The following RUBCN variants were observed in gnomAD, a reference collection of about 807,000 sequenced individuals.
The protein encoded by RUBCN is run domain Beclin-1-interacting and cysteine-rich domain-containing protein.
Under a neutral mutation model 113.2 loss-of-function variants are expected in RUBCN, and 74 were observed. That is an observed-to-expected ratio of 0.65 (90% CI 0.54 to 0.79). The LOEUF is 0.79. Ranked by LOEUF, RUBCN falls within the 30% of genes least tolerant of loss-of-function variation. The pLI is 0.00. For synonymous variants in RUBCN, 480 were observed against 490.0 expected (o/e 0.98, Z 0.27); for missense variants, 1,109 against 1,251.7 (o/e 0.89, Z 1.72).
In RUBCN at chr3:197,711,660, C is replaced by T. The variant is rs145697419; in HGVS notation, c.219+6317G>A. The stretch of plus-strand genomic sequence containing the variant: ...CCAGCCTGGGCAACATAGTGAGACC[C>T]TGTCTTTAAAAAAAATTTTTAATTA... On this transcript the variant is annotated intron_variant, in intron 2 of 19. Coordinates refer to ENST00000296343, the MANE Select transcript of RUBCN (RefSeq NM_014687.4). Among the ~76,000 whole-genome samples, 225 of 151,798 alleles carry T rather than the reference C, an allele frequency of 1.5e-3. 1 individual carries two copies. The highest frequency in any genetic ancestry group is 5.2e-3 in the African/African-American group (214 of 41,352).
chr3:197,693,196 A>G lies in RUBCN; in HGVS notation c.1786+519T>C, dbSNP rs547951139. Among the ~76,000 whole-genome samples the G allele has an allele frequency of 9.1e-4, 139 of 152,258 alleles. 1 individual carries two copies. Among genetic ancestry groups the G allele is most frequent in the African/African-American group, 3.2e-3 (133 of 41,540 alleles). ...TGCTGATACTCCTACCACCACCACC[A>G]CCACCAATAAAAACAGAGTCTGTGA... On this transcript the variant is annotated intron_variant, in intron 11 of 19. Coordinates refer to ENST00000296343, the MANE Select transcript of RUBCN (RefSeq NM_014687.4).
chr3:197,721,548 C>A (rs1169266757), intron 1 of RUBCN, among the ~76,000 whole-genome samples: 1 of 151,942 alleles, frequency 6.6e-6, no homozygotes, highest in African/African-American at 2.4e-5. Context: ...ACAAACAACT[C>A]TTTTGTTAAT....
chr3:197,710,322 C>T (rs553934621), intron 2 of RUBCN, among the ~76,000 whole-genome samples: 12 of 152,110 alleles, frequency 7.9e-5, no homozygotes, highest in South Asian at 6.2e-4. Flanking sequence ...AAAAGACGGC[C>T]GGGCGCGGTG....
chr3:197,681,777 G>A lies in RUBCN; in HGVS notation c.2191+58C>T, dbSNP rs376235464. 9.2e-5 allele frequency: 133 copies of A among 1,445,472 alleles called. No individual in the cohort carries two copies. The highest frequency in any genetic ancestry group is 2.7e-4 in the African/African-American group (19 of 71,600). 89.5% of individuals were successfully genotyped at this position (1,445,472 alleles called of 1,614,324 possible). The stretch of plus-strand genomic sequence containing the variant: ...CCTTTGACACGCCACCTCTCCCTAC[G>A]TGTCGGGGAGGGTACAGAGCCTCTG... On this transcript the variant is annotated intron_variant, in intron 15 of 19. Coordinates refer to ENST00000296343, the MANE Select transcript of RUBCN (RefSeq NM_014687.4). This position sits in a 1 kb window ranked among gnomAD's most constrained non-coding sequence, Gnocchi z 5.5.
At chr3:197,712,856 T>C (rs912759434) in intron 2 of RUBCN, among the ~76,000 whole-genome samples, 14 of 151,320 alleles carry the variant, frequency 9.3e-5, no homozygotes, top group Admixed American at 5.3e-4. Context: ...TCACAGATAT[T>C]ATCACTTTTT....
chr3:197,701,590 T>C, intron 6 of RUBCN, 118 bp downstream of exon 6: 1 of 858,006 alleles, frequency 1.2e-6, no homozygotes, highest in Admixed American at 2.1e-5. Context: ...AGATGTCCCT[T>C]ATTAAGAAAA....
chr3:197,745,866 G>A (rs905337489), intron 1 of RUBCN, among the ~76,000 whole-genome samples: 3 of 152,056 alleles, frequency 2.0e-5, no homozygotes, highest in Non-Finnish European at 4.4e-5. Context: ...GTGAAATGCT[G>A]TCTCCACTAA....
chr3:197,676,479 A>C, intron 18 of RUBCN: 2 of 622,456 alleles, frequency 3.2e-6, no homozygotes, highest in Non-Finnish European at 4.2e-6. Context: ...ATGCCCGGCT[A>C]ATTTCTGTAT....
chr3:197,681,041 TGGGGGGAGGGGAC>T lies in RUBCN; in HGVS notation c.2430+75_2430+87del, dbSNP rs1721167205. 7.8e-6 allele frequency: 3 copies of T among 386,914 alleles called. No homozygotes were observed. Among genetic ancestry groups the T allele is most frequent in the South Asian group, 4.6e-5 (2 of 43,906 alleles). The allele number at this position is 386,914 out of a possible 1,614,324, so 24.0% of individuals were successfully genotyped here. A position where few individuals can be genotyped will look rare whatever the true frequency, so the allele number is the denominator to read the frequency against. On this transcript the variant is annotated intron_variant, in intron 16 of 19. Coordinates refer to ENST00000296343, the MANE Select transcript of RUBCN (RefSeq NM_014687.4). This position sits in a 1 kb window ranked among gnomAD's most constrained non-coding sequence, Gnocchi z 5.5. ...GGGGGGAGGGGACAAGAGGAGGGGATGGGGGGAGGGGACGGGGGAGGGACGAGGGGAGGGGATG... is the reference window on the plus strand; with the variant it reads ...GGGGGGAGGGGACAAGAGGAGGGGATGGGGGAGGGACGAGGGGAGGGGATG...
intron 1 of RUBCN, among the ~76,000 whole-genome samples, chr3:197,742,420 G>C (rs574463364): frequency 6.6e-6 from 1 of 151,986 alleles, no homozygotes; most frequent in Non-Finnish European, 1.5e-5. Flanking sequence ...CTGAACCTGG[G>C]AAGCGGAGGT....
chr3:197,677,420 G>T, intron 17 of RUBCN, 60 bp downstream of exon 17: 1 of 1,393,184 alleles, frequency 7.2e-7, no homozygotes, highest in South Asian at 1.2e-5. Context: ...CAAGCGCGGG[G>T]ATGTGTCCCT....
In RUBCN at chr3:197,675,957, G is replaced by C. The variant is rs537117796; in HGVS notation, c.2647-442C>G. On this transcript the variant is annotated intron_variant, in intron 18 of 19. Transcript: ENST00000296343. This position sits in a 1 kb window ranked among gnomAD's most constrained non-coding sequence, Gnocchi z 4.4. ...TTTCCAGTTCCTCCCAGACACACAGGGTTTCCTACCTGTGCCCAGCTCGAA... is the reference window on the plus strand; with the variant it reads ...TTTCCAGTTCCTCCCAGACACACAGCGTTTCCTACCTGTGCCCAGCTCGAA... Among the ~76,000 whole-genome samples the C allele has an allele frequency of 6.6e-6, 1 of 152,254 alleles. No homozygotes were observed. Among genetic ancestry groups the C allele is most frequent in the Admixed American group, 6.5e-5 (1 of 15,292 alleles).
chr3:197,677,357 C>A, intron 17 of RUBCN, 123 bp downstream of exon 17: 1 of 855,600 alleles, frequency 1.2e-6, no homozygotes, highest in South Asian at 1.4e-5. Flanking sequence ...TCCTGTTTAC[C>A]ACTTTACAGT....
At chr3:197,725,170 A>T (rs1428716892) in intron 1 of RUBCN, among the ~76,000 whole-genome samples, 1 of 152,204 alleles carries the variant, frequency 6.6e-6, no homozygotes, top group Non-Finnish European at 1.5e-5. Flanking sequence ...GGGACTTTTA[A>T]TGCCAGAAAG....
At chr3:197,696,863 C>G (rs1296461332) in intron 8 of RUBCN, 91 bp downstream of exon 8, 1 of 758,878 alleles carries the variant, frequency 1.3e-6, no homozygotes, top group Non-Finnish European at 2.4e-6. Flanking sequence ...CTCCAGAGAG[C>G]TGAGATGAAC....
Position 197,736,667 on chromosome 3 carries a change from G to T in RUBCN, c.53C>A (p.Pro18His), listed in dbSNP as rs1467928044. 1.3e-6 allele frequency: 2 copies of T among 1,532,394 alleles called. No homozygotes were observed. The highest frequency in any genetic ancestry group is 1.7e-6 in the Non-Finnish European group (2 of 1,146,122). The allele number at this position is 1,532,394 out of a possible 1,614,324, so 94.9% of individuals were successfully genotyped here. The change falls in exon 1 of 20, where the codon CCT becomes CAT. Residue 18 changes from proline (P) to histidine (H), a missense_variant. By Grantham distance (77) the Pro-to-His change is moderately conservative (BLOSUM62 -2). Around this residue, in one of 3 missense-constraint regions of RUBCN, gnomAD observed 736 missense variants for 779.6 expected, o/e 0.94. Transcript: ENST00000296343. ...GCTCCCAGCCCACCTGCTCTCCTCA[G>T]GCAGGCGCTCCTCGCCGCCTCCGAG... The part of the protein sequence containing the change: ...MELGGGEERL[P>H]EESRREHWQL...
intron 1 of RUBCN, among the ~76,000 whole-genome samples, chr3:197,721,184 T>C (rs973664900): frequency 3.3e-5 from 5 of 152,148 alleles, no homozygotes; most frequent in East Asian, 3.9e-4. Context: ...TTGGGAAGAA[T>C]TGGTATTAGT....
At chr3:197,696,838 G>T (rs897200514) in intron 8 of RUBCN, 116 bp downstream of exon 8, 1 of 697,320 alleles carries the variant, frequency 1.4e-6, no homozygotes, top group African/African-American at 1.9e-5. Context: ...GACTGAGACT[G>T]TAACAGTGTG....
chr3:197,704,160 G>A (rs1026621541), intron 4 of RUBCN, among the ~76,000 whole-genome samples: 3 of 152,114 alleles, frequency 2.0e-5, no homozygotes, highest in Non-Finnish European at 4.4e-5. Flanking sequence ...GCCCTGCCGG[G>A]CACGGTAGTC....
Sources: gnomAD v4.1 joint callset for allele counts (sites outside exome capture counted in the v4.1 genomes callset) on GRCh38, gnomAD v4.1.1 for gene constraint, gnomAD v4.1.1 regional missense constraint, Gnocchi (gnomAD v3.1) non-coding constraint, MANE v1.5 for transcripts, NCBI Gene and HGNC (gene_info 2026-07-23, HGNC 2026-07-21) for gene names.